The following AIG1 variants were observed in gnomAD, a reference collection of about 807,000 sequenced individuals.
AIG1 encodes the protein androgen induced 1, also known as androgen-induced gene 1 protein.
A neutral mutation model predicts 31.4 loss-of-function variants in AIG1; 23 were observed. The observed-to-expected ratio is 0.73, with a 90% confidence interval of 0.53 to 1.04. The LOEUF (loss-of-function observed/expected upper bound fraction) is 1.04. Ranked by LOEUF, AIG1 falls within the 50% of genes least tolerant of loss-of-function variation. AIG1 has a pLI of 0.00. For missense variants in AIG1, 274 were observed against 295.0 expected (o/e 0.93, Z 0.52); for synonymous variants, 100 against 110.5 (o/e 0.90, Z 0.60).
At chr6:143,191,385 C>T (rs1367175352) in intron 3 of AIG1, among the ~76,000 whole-genome samples, 1 of 152,082 alleles carries the variant, frequency 6.6e-6, no homozygotes, top group Admixed American at 6.5e-5. Context: ...TAATTAAAGA[C>T]TGCAGTTAAC....
intron 1 of AIG1, among the ~76,000 whole-genome samples, chr6:143,100,792 C>G (rs1780201959): frequency 6.6e-6 from 1 of 151,808 alleles, no homozygotes; most frequent in South Asian, 2.1e-4. Flanking sequence ...TCAAGCGATT[C>G]TCCTGCCTCA....
Position 143,333,011 on chromosome 6 carries a change from A to T in AIG1, c.516-271A>T, listed in dbSNP as rs1777204474. On this transcript the variant is annotated intron_variant, in intron 4 of 5. Transcript: ENST00000357847. This position sits in a 1 kb window ranked among gnomAD's most constrained non-coding sequence, Gnocchi z 4.6. ...CAATGTTAATTTTTTAATTTTAGTCAATTGTCCCAGGATTATACAAGATGT... is the reference window on the plus strand; with the variant it reads ...CAATGTTAATTTTTTAATTTTAGTCTATTGTCCCAGGATTATACAAGATGT... Among the ~76,000 whole-genome samples, 1 of 152,192 alleles carries T rather than the reference A, an allele frequency of 6.6e-6. No individual in the cohort carries two copies. Among genetic ancestry groups the T allele is most frequent in the Admixed American group, 6.5e-5 (1 of 15,276 alleles).
In AIG1 at chr6:143,260,506, C is replaced by T. The variant is rs187008485; in HGVS notation, c.400-23604C>T. Among the ~76,000 whole-genome samples, 11 of 152,256 alleles carry T rather than the reference C, an allele frequency of 7.2e-5. No individual in the cohort carries two copies. The East Asian group carries it at 2.1e-3, about 29-fold the overall frequency. ...CATGATAATAGATTCCCTGTTGGGTCCACTTAGTTCCAAGATAACTCAAAA... is the reference window on the plus strand; with the variant it reads ...CATGATAATAGATTCCCTGTTGGGTTCACTTAGTTCCAAGATAACTCAAAA... On this transcript the variant is annotated intron_variant, in intron 3 of 5. Coordinates refer to ENST00000357847, the MANE Select transcript of AIG1 (RefSeq NM_016108.4).
Position 143,325,125 on chromosome 6 carries a change from G to T in AIG1, c.516-8157G>T, listed in dbSNP as rs959216047. Among the ~76,000 whole-genome samples, 1 of 152,168 alleles carries T rather than the reference G, an allele frequency of 6.6e-6. No homozygotes were observed. Among genetic ancestry groups the T allele is most frequent in the Non-Finnish European group, 1.5e-5 (1 of 68,026 alleles). ...CAGTTTTCTAATAATTCTCTATGAA[G>T]ACCCTGTGCTAATAGATGCTGTCTA... On this transcript the variant is annotated intron_variant, in intron 4 of 5. Transcript: ENST00000357847. This position sits in a 1 kb window ranked among gnomAD's most constrained non-coding sequence, Gnocchi z 4.3.
intron 3 of AIG1, among the ~76,000 whole-genome samples, chr6:143,252,365 C>T (rs1795069023): frequency 6.6e-6 from 1 of 152,182 alleles, no homozygotes; most frequent in African/African-American, 2.4e-5. Context: ...AGGTGATCCA[C>T]CCACCTTGGC....
At chr6:143,305,734 A>C (rs984995896) in intron 4 of AIG1, among the ~76,000 whole-genome samples, 1 of 152,132 alleles carries the variant, frequency 6.6e-6, no homozygotes, top group Admixed American at 6.5e-5. Context: ...GTAGATGTCT[A>C]TTAGGTCCAC....
intron 3 of AIG1, among the ~76,000 whole-genome samples, chr6:143,184,402 CGTG>C: frequency 6.6e-6 from 1 of 152,218 alleles, no homozygotes; most frequent in Non-Finnish European, 1.5e-5. Context: ...CCAGCTACCC[CGTG>C]GGCATCACAT....
intron 3 of AIG1, among the ~76,000 whole-genome samples, chr6:143,202,999 G>A (rs901487982): frequency 6.6e-6 from 1 of 152,142 alleles, no homozygotes; most frequent in Non-Finnish European, 1.5e-5. Flanking sequence ...AATGTCTGCA[G>A]CAAAAGCAGT....
chr6:143,298,861 A>T lies in AIG1; in HGVS notation c.515+14636A>T, dbSNP rs985756338. On this transcript the variant is annotated intron_variant, in intron 4 of 5. Transcript: ENST00000357847. The surrounding 1 kb of genome is among the most constrained non-coding windows in gnomAD (Gnocchi z 5.1). Reference sequence around the variant, plus strand: ...GACAGTCGCTAGCCACAGTATGTGCACTCAGAAGAAGGGAAATCTTAATTT... The same window carrying T: ...GACAGTCGCTAGCCACAGTATGTGCTCTCAGAAGAAGGGAAATCTTAATTT... 6.6e-6 allele frequency: 1 copy of T among 152,244 alleles called. No individual in the cohort carries two copies. The highest frequency in any genetic ancestry group is 6.5e-5 in the Admixed American group (1 of 15,286). The allele number at this position is 152,244 out of a possible 1,614,324, so 9.4% of individuals were successfully genotyped here. A position where few individuals can be genotyped will look rare whatever the true frequency, so the allele number is the denominator to read the frequency against.
At position 143,279,035 on chromosome 6, in the gene AIG1, A is replaced by G. The variant is rs1797158840; in HGVS notation, c.400-5075A>G. 2.0e-5 allele frequency among the ~76,000 whole-genome samples: 3 copies of G among 152,138 alleles called. No homozygotes were observed. The highest frequency in any genetic ancestry group is 7.2e-5 in the African/African-American group (3 of 41,438). On this transcript the variant is annotated intron_variant, in intron 3 of 5. Coordinates refer to ENST00000357847, the MANE Select transcript of AIG1 (RefSeq NM_016108.4). This position sits in a 1 kb window ranked among gnomAD's most constrained non-coding sequence, Gnocchi z 5.4. ...CAAGTAGCATGAACGGGGCCACAGT[A>G]TGGCTTTTGTAGATTTTAAGCACTT... is the stretch of plus-strand genomic sequence containing the variant.
chr6:143,320,031 T>C (rs375500467), intron 4 of AIG1, among the ~76,000 whole-genome samples: 3 of 151,360 alleles, frequency 2.0e-5, no homozygotes, highest in South Asian at 4.2e-4. Flanking sequence ...AAAAAATAAA[T>C]AAAAAATAAC....
intron 1 of AIG1, among the ~76,000 whole-genome samples, chr6:143,069,743 TC>T: frequency 6.6e-6 from 1 of 152,240 alleles, no homozygotes. Flanking sequence ...AATGTTTTCT[TC>T]CTGTCTGTAG....
At chr6:143,261,597 A>G (rs1386877701) in intron 3 of AIG1, among the ~76,000 whole-genome samples, 3 of 152,238 alleles carry the variant, frequency 2.0e-5, no homozygotes, top group African/African-American at 7.2e-5. Context: ...ATTAAAAAGC[A>G]TATATAAAGT....
Position 143,136,825 on chromosome 6 carries a change from C to G in AIG1, c.142-10C>G. 1 of 1,376,114 alleles carries G rather than the reference C, an allele frequency of 7.3e-7. No individual in the cohort carries two copies. The highest frequency in any genetic ancestry group is 9.5e-7 in the Non-Finnish European group (1 of 1,049,114). 85.2% of individuals were successfully genotyped at this position (1,376,114 alleles called of 1,614,324 possible). On this transcript the variant is annotated splice_polypyrimidine_tract_variant and intron_variant, in intron 1 of 5. Transcript: ENST00000357847. Reference sequence around the variant, plus strand: ...CTTAATGACTCATACCGGCTGTTGTCCCCCTACAGGTTATCCAGGCTGTCT... The same window carrying G: ...CTTAATGACTCATACCGGCTGTTGTGCCCCTACAGGTTATCCAGGCTGTCT...
At chr6:143,271,306 GATTA>G (rs1338507014) in intron 3 of AIG1, among the ~76,000 whole-genome samples, 3 of 152,180 alleles carry the variant, frequency 2.0e-5, no homozygotes, top group African/African-American at 7.2e-5. Context: ...AAATATCCCT[GATTA>G]ATTATGCCAG....
At chr6:143,119,001 G>A (rs1366995562) in intron 1 of AIG1, among the ~76,000 whole-genome samples, 1 of 151,960 alleles carries the variant, frequency 6.6e-6, no homozygotes, top group East Asian at 1.9e-4. Context: ...AGGCTCCTGA[G>A]TAGCTGGTAC....
At chr6:143,088,957 T>G (rs1196860268) in intron 1 of AIG1, among the ~76,000 whole-genome samples, 1 of 152,208 alleles carries the variant, frequency 6.6e-6, no homozygotes, top group East Asian at 1.9e-4. Context: ...ATGCCTGTAA[T>G]CCCAGCACTT....
At chr6:143,153,626 C>T (rs1484877184) in intron 2 of AIG1, among the ~76,000 whole-genome samples, 2 of 152,118 alleles carry the variant, frequency 1.3e-5, no homozygotes, top group East Asian at 3.9e-4. Context: ...GGATTACAGG[C>T]GTGAGCCACC....
intron 3 of AIG1, among the ~76,000 whole-genome samples, chr6:143,171,944 T>A (rs576927958): frequency 3.3e-5 from 5 of 152,288 alleles, no homozygotes; most frequent in Admixed American, 6.5e-5. Flanking sequence ...ATGTTGAGCA[T>A]TTTTTCCTAT....
Sources: allele counts gnomAD v4.1 joint callset (sites outside exome capture counted in the v4.1 genomes callset), GRCh38; gene constraint gnomAD v4.1.1; non-coding constraint Gnocchi (gnomAD v3.1); transcripts MANE v1.5; gene names NCBI Gene and HGNC (gene_info 2026-07-23, HGNC 2026-07-21).